ANKRD30B: variants seen among roughly 807,000 people sequenced by gnomAD.
The protein encoded by ANKRD30B is ankyrin repeat domain-containing protein 30B.
In ANKRD30B, 144 loss-of-function variants were observed where a neutral mutation model predicts 202.2. The ratio of observed to expected loss-of-function variants is 0.71; its 90% CI spans 0.62 to 0.82. ANKRD30B has a LOEUF of 0.82. Ranked by LOEUF, ANKRD30B falls within the 40% of genes least tolerant of loss-of-function variation. The probability of loss-of-function intolerance (pLI) is 0.00; values close to 1 mark genes in which losing one functional copy is unlikely to be tolerated. For missense variants in ANKRD30B, 1,487 were observed against 1,669.1 expected (o/e 0.89, Z 1.90); for synonymous variants, 508 against 561.3 (o/e 0.91, Z 1.34).
At position 14,848,656 on chromosome 18, in the gene ANKRD30B, G is replaced by A. The variant is rs1971752365; in HGVS notation, c.3182-60G>A. The A allele has an allele frequency of 2.4e-6, 3 of 1,272,494 alleles. No individual in the cohort carries two copies. The South Asian group carries it at 5.2e-5, about 22-fold the overall frequency. The allele number at this position is 1,272,494 out of a possible 1,614,324, so 78.8% of individuals were successfully genotyped here. A position where few individuals can be genotyped will look rare whatever the true frequency, so the allele number is the denominator to read the frequency against. On this transcript the variant is annotated intron_variant, in intron 39 of 43. Coordinates refer to ENST00000690538, the MANE Select transcript of ANKRD30B (RefSeq NM_001367607.2). ...TATGAGTTAGTGATTGTTAAAATAT[G>A]CAGCCCTTTATATCCCAAAAGTACT...
At chr18:14,855,799 T>C (rs1393198075), downstream of ANKRD30B, among the ~76,000 whole-genome samples, 7 of 120,966 alleles carry the variant, frequency 5.8e-5, no homozygotes, top group African/African-American at 9.6e-5. Context: ...CAGGCAGAGG[T>C]GCTCCTCATT....
In ANKRD30B at chr18:14,752,557, C is replaced by G; in HGVS notation, c.222-9C>G. On this transcript the variant is annotated splice_polypyrimidine_tract_variant and intron_variant, in intron 1 of 43. Transcript: ENST00000690538. ...TATACTTTGCCTAAAAGTCCTCTCACTCTCGTAGGACTGCTCTACACTGGG... is the reference window on the plus strand; with the variant it reads ...TATACTTTGCCTAAAAGTCCTCTCAGTCTCGTAGGACTGCTCTACACTGGG... 3 of 1,603,082 alleles carry G rather than the reference C, an allele frequency of 1.9e-6. No individual in the cohort carries two copies. The highest frequency in any genetic ancestry group is 2.6e-6 in the Non-Finnish European group (3 of 1,175,012).
At chr18:14,750,372 A>G (rs1284411690) in intron 1 of ANKRD30B, among the ~76,000 whole-genome samples, 2 of 152,160 alleles carry the variant, frequency 1.3e-5, no homozygotes, top group Non-Finnish European at 2.9e-5. Flanking sequence ...CTATGCACAC[A>G]GGAAACAATA....
the ANKRD30B span, among the ~76,000 whole-genome samples, chr18:14,876,507 TGGG>T: frequency 1.3e-5 from 2 of 152,178 alleles, no homozygotes; most frequent in Non-Finnish European, 2.9e-5. Context: ...CCTGATCTCA[TGGG>T]GGTCTTAAAT....
At chr18:14,854,042 T>C (rs1460352535) in intron 43 of ANKRD30B, among the ~76,000 whole-genome samples, 99 bp downstream of exon 43, 1 of 152,230 alleles carries the variant, frequency 6.6e-6, no homozygotes, top group Non-Finnish European at 1.5e-5. Flanking sequence ...GGTTAAATAA[T>C]ATAAATTGTT....
At chr18:14,940,350 A>G in the ANKRD30B span, among the ~76,000 whole-genome samples, 1 of 152,218 alleles carries the variant, frequency 6.6e-6, no homozygotes, top group Non-Finnish European at 1.5e-5. Context: ...GAGCACAGCC[A>G]GTGCTGTGGA....
chr18:14,887,871 T>C, the ANKRD30B span, among the ~76,000 whole-genome samples: 1 of 151,568 alleles, frequency 6.6e-6, no homozygotes, highest in Non-Finnish European at 1.5e-5. Flanking sequence ...TTCCCAAATA[T>C]GAATTATACA....
At chr18:14,820,656 G>A (rs1400614911) in intron 30 of ANKRD30B, among the ~76,000 whole-genome samples, 6 of 152,230 alleles carry the variant, frequency 3.9e-5, no homozygotes. Context: ...TTTATATGCT[G>A]GATTACATTT....
the ANKRD30B span, among the ~76,000 whole-genome samples, chr18:14,875,590 G>T: frequency 6.6e-6 from 1 of 152,250 alleles, no homozygotes; most frequent in South Asian, 2.1e-4. Context: ...TCACTCTGAG[G>T]CTCCTCCATG....
the ANKRD30B span, among the ~76,000 whole-genome samples, chr18:14,900,281 C>T: frequency 6.6e-6 from 1 of 152,080 alleles, no homozygotes. Flanking sequence ...AACTTAGATA[C>T]TCCTTTCTCT....
chr18:14,792,567 A>G (rs1252845924), intron 16 of ANKRD30B, among the ~76,000 whole-genome samples: 1 of 152,022 alleles, frequency 6.6e-6, no homozygotes, highest in Non-Finnish European at 1.5e-5. Flanking sequence ...TGGATTTTGT[A>G]TGAAGGAAAA....
intron 40 of ANKRD30B, among the ~76,000 whole-genome samples, chr18:14,849,724 TTAATC>T (rs570310525): frequency 2.0e-5 from 3 of 151,796 alleles, no homozygotes; most frequent in South Asian, 2.1e-4. Context: ...ATTAGACTCT[TTAATC>T]TAGTCTGAGA....
intron 6 of ANKRD30B, among the ~76,000 whole-genome samples, chr18:14,763,178 C>T (rs115454803): frequency 6.2e-4 from 94 of 152,064 alleles, no homozygotes; most frequent in African/African-American, 2.1e-3. Flanking sequence ...ATAATTATTA[C>T]TTACTATGTC....
At chr18:14,766,298 C>T (rs1475286454) in intron 7 of ANKRD30B, among the ~76,000 whole-genome samples, 3 of 150,858 alleles carry the variant, frequency 2.0e-5, no homozygotes, top group Non-Finnish European at 4.4e-5. Context: ...CGGGTGAAAC[C>T]CCGTCTCTAC....
At chr18:14,779,345 C>A (rs575727349) in intron 10 of ANKRD30B, among the ~76,000 whole-genome samples, 1 of 152,126 alleles carries the variant, frequency 6.6e-6, no homozygotes, top group Non-Finnish European at 1.5e-5. Context: ...GCTATTGTTG[C>A]ATTGAGGAAA....
the ANKRD30B span, among the ~76,000 whole-genome samples, chr18:14,888,124 T>A: frequency 6.6e-6 from 1 of 152,022 alleles, no homozygotes; most frequent in Admixed American, 6.6e-5. Context: ...TTTTGTTAAA[T>A]TATCTATTTT....
the ANKRD30B span, among the ~76,000 whole-genome samples, chr18:14,907,127 T>C: frequency 1.3e-5 from 2 of 152,034 alleles, no homozygotes; most frequent in African/African-American, 4.8e-5. Flanking sequence ...TTATCAGACT[T>C]ATGGTCTGTG....
chr18:14,748,983 C>CT (rs1378751479), intron 1 of ANKRD30B, among the ~76,000 whole-genome samples: 3 of 152,224 alleles, frequency 2.0e-5, no homozygotes, highest in Non-Finnish European at 2.9e-5. Flanking sequence ...CAGGGTTTTA[C>CT]TTTTAATGTA....
At chr18:14,754,008 T>C (rs1913921244) in intron 3 of ANKRD30B, among the ~76,000 whole-genome samples, 2 of 152,148 alleles carry the variant, frequency 1.3e-5, no homozygotes, top group African/African-American at 4.8e-5. Flanking sequence ...ATTAGGATCC[T>C]AGGATTATCA....
Sources: allele counts gnomAD v4.1 joint callset (sites outside exome capture counted in the v4.1 genomes callset), GRCh38; gene constraint gnomAD v4.1.1; transcripts MANE v1.5; gene names NCBI Gene and HGNC (gene_info 2026-07-23, HGNC 2026-07-21).